Variants in ARHGAP21 observed in about 807,000 individuals in gnomAD.
The protein encoded by ARHGAP21 is rho GTPase-activating protein 21.
Under a neutral mutation model 164.6 loss-of-function variants are expected in ARHGAP21, and 38 were observed. The ratio of observed to expected loss-of-function variants is 0.23; its 90% CI spans 0.18 to 0.30. The LOEUF (loss-of-function observed/expected upper bound fraction) is 0.30. Ranked by LOEUF, ARHGAP21 falls within the 10% of genes least tolerant of loss-of-function variation. The probability of loss-of-function intolerance (pLI) is 1.00; values close to 1 mark genes in which losing one functional copy is unlikely to be tolerated. For synonymous variants in ARHGAP21, 766 were observed against 857.9 expected, an observed-to-expected ratio of 0.89 and a Z score of 1.87; for missense variants, 1,822 against 2,370.7, an observed-to-expected ratio of 0.77 and a Z score of 4.81.
chr10:24,601,987 A>G lies in ARHGAP21; in HGVS notation c.2838T>C (p.Asp946=), dbSNP rs573339283. The G allele has an allele frequency of 6.2e-7, 1 of 1,611,236 alleles. No homozygotes were observed. Among genetic ancestry groups the G allele is most frequent in the Admixed American group, 1.7e-5 (1 of 59,894 alleles). The change falls in exon 13 of 26, where the codon GAT becomes GAC. Residue 946 remains aspartate (D), a synonymous_variant. Coordinates refer to ENST00000396432, the MANE Select transcript of ARHGAP21 (RefSeq NM_020824.4). ...GWLHFRPLVT[D]KGKRVGGSIR... ...TTAGAAAACACACTACCTTGCCCTT[A>G]TCGGTGACAAGGGGTCGGAAATGAA...
intron 7 of ARHGAP21, among the ~76,000 whole-genome samples, chr10:24,625,265 T>C (rs1299331397): frequency 8.9e-6 from 1 of 112,786 alleles, no homozygotes; most frequent in African/African-American, 3.4e-5. Context: ...ACCATGACCA[T>C]ACCTATGATA....
In ARHGAP21 at chr10:24,690,870, A is replaced by T. The variant is rs1842713140; in HGVS notation, c.64-20473T>A. Among the ~76,000 whole-genome samples, 5 of 151,038 alleles carry T rather than the reference A, an allele frequency of 3.3e-5. No individual in the cohort carries two copies. In the South Asian group the frequency reaches 1.0e-3, roughly 32 times the overall value. On this transcript the variant is annotated intron_variant, in intron 2 of 25. Coordinates refer to ENST00000396432, the MANE Select transcript of ARHGAP21 (RefSeq NM_020824.4). ...TATATATATACACATATATATATAC[A>T]CACACACACATAAACACACACATAC...
chr10:24,704,622 C>A (rs372822663), intron 2 of ARHGAP21, among the ~76,000 whole-genome samples: 1 of 151,964 alleles, frequency 6.6e-6, no homozygotes. Flanking sequence ...CATGCCACCA[C>A]GCCTGGCTAA....
intron 4 of ARHGAP21, among the ~76,000 whole-genome samples, chr10:24,640,852 CAA>C (rs1277783286): frequency 6.6e-6 from 1 of 151,594 alleles, no homozygotes; most frequent in Non-Finnish European, 1.5e-5. Flanking sequence ...AGGAAAAAAA[CAA>C]AAATAAGGAG....
intron 4 of ARHGAP21, among the ~76,000 whole-genome samples, chr10:24,651,641 T>G (rs1838173135): frequency 6.6e-6 from 1 of 152,178 alleles, no homozygotes; most frequent in Non-Finnish European, 1.5e-5. Flanking sequence ...ACAAGTTTGG[T>G]TTAGTCCAGT....
chr10:24,655,925 G>C lies in ARHGAP21; in HGVS notation c.268+11060C>G, dbSNP rs867363396. Among the ~76,000 whole-genome samples the C allele has an allele frequency of 3.7e-3, 419 of 112,000 alleles. 8 individuals carry two copies. Among genetic ancestry groups the C allele is most frequent in the Middle Eastern group, 0.019 (4 of 212 alleles). 73.5% of individuals were successfully genotyped at this position (112,000 alleles called of 152,430 possible). Reference sequence around the variant, plus strand: ...GCCGAGACCCCGTCTGGGAGGTGAGGAGCGTCTCTGCCCGGCCACCCCGTC... The same window carrying C: ...GCCGAGACCCCGTCTGGGAGGTGAGCAGCGTCTCTGCCCGGCCACCCCGTC... On this transcript the variant is annotated intron_variant, in intron 4 of 25. Coordinates refer to ENST00000396432, the MANE Select transcript of ARHGAP21 (RefSeq NM_020824.4).
chr10:24,601,867 T>C (rs978166788), intron 13 of ARHGAP21, 111 bp downstream of exon 13: 22 of 1,247,146 alleles, frequency 1.8e-5, no homozygotes, highest in East Asian at 2.8e-5. Flanking sequence ...AAATGGTTTT[T>C]TTTTTCACTC....
chr10:24,597,431 AAG>A lies in ARHGAP21; in HGVS notation c.3334+14_3334+15del. 1 of 1,601,630 alleles carries A rather than the reference AAG, an allele frequency of 6.2e-7. No homozygotes were observed. The highest frequency in any genetic ancestry group is 8.5e-7 in the Non-Finnish European group (1 of 1,176,634). On this transcript the variant is annotated intron_variant, in intron 16 of 25. Coordinates refer to ENST00000396432, the MANE Select transcript of ARHGAP21 (RefSeq NM_020824.4). ...TAAATCATTATATTTATTTGTTAGA[AAG>A]CTAACATCAATACCTTTACTGAGAA... is the stretch of plus-strand genomic sequence containing the variant.
intron 12 of ARHGAP21, among the ~76,000 whole-genome samples, chr10:24,602,892 C>A (rs574336726): frequency 1.4e-4 from 21 of 152,266 alleles, no homozygotes; most frequent in African/African-American, 5.1e-4. Context: ...AAAGAAGAAA[C>A]AAGGCTAGTT....
At chr10:24,607,194 TATG>T (rs1253464364) in intron 11 of ARHGAP21, among the ~76,000 whole-genome samples, 1 of 152,194 alleles carries the variant, frequency 6.6e-6, no homozygotes, top group Non-Finnish European at 1.5e-5. Context: ...GTAGTGTACA[TATG>T]ATTTTATGTA....
At chr10:24,639,791 G>C (rs1836797662) in intron 4 of ARHGAP21, among the ~76,000 whole-genome samples, 1 of 152,114 alleles carries the variant, frequency 6.6e-6, no homozygotes, top group African/African-American at 2.4e-5. Context: ...GGCTTTGTCA[G>C]TCAAAAAGGA....
chr10:24,702,639 T>G (rs1201244888), intron 2 of ARHGAP21, among the ~76,000 whole-genome samples: 1 of 151,874 alleles, frequency 6.6e-6, no homozygotes, highest in Non-Finnish European at 1.5e-5. Flanking sequence ...CAGGCTGGAG[T>G]GCAGTGGCAG....
chr10:24,690,000 G>C (rs1163510005), intron 2 of ARHGAP21, among the ~76,000 whole-genome samples: 3 of 150,836 alleles, frequency 2.0e-5, no homozygotes, highest in Non-Finnish European at 4.4e-5. Context: ...CATACTTTAG[G>C]AAAATCTTCT....
chr10:24,633,918 A>T (rs1228238046), intron 5 of ARHGAP21, among the ~76,000 whole-genome samples: 1 of 108,580 alleles, frequency 9.2e-6, no homozygotes, highest in African/African-American at 3.6e-5. Flanking sequence ...TTTGAGACAG[A>T]GTCTCACTCT....
chr10:24,673,736 C>A (rs576715210), intron 2 of ARHGAP21, among the ~76,000 whole-genome samples: 1 of 152,054 alleles, frequency 6.6e-6, no homozygotes, highest in South Asian at 2.1e-4. Context: ...GTGGCACACA[C>A]CTATAATCCC....
At chr10:24,629,508 T>C (rs533203209) in intron 7 of ARHGAP21, 1 of 156,250 alleles carries the variant, frequency 6.4e-6, no homozygotes, top group South Asian at 1.9e-4. Flanking sequence ...TTGATACTAC[T>C]AACAATACTG....
chr10:24,670,553 T>G (rs1840605883), intron 2 of ARHGAP21, among the ~76,000 whole-genome samples, 156 bp from the exon 3 acceptor site: 2 of 151,426 alleles, frequency 1.3e-5, no homozygotes. Context: ...AAACTAAAAT[T>G]TATTATATTA....
rs1239405084 is a variant in ARHGAP21 at position 24,586,032 on chromosome 10, G to A, written c.4257C>T (p.Arg1419=). The part of the protein sequence containing the change: ...LVSSIFAAAS[R]KRKKPKEKAQ... ...CTTTTTCTTTCGGCTTCTTCCTCTT[G>A]CGACTAGCAGCTGCAAAGATGGAGG... Residue 1419 remains arginine, a synonymous_variant, in exon 26 of 26, where the codon CGC becomes CGT. Transcript: ENST00000396432. 1.2e-5 allele frequency: 20 copies of A among 1,613,788 alleles called. No homozygotes were observed. Among genetic ancestry groups the A allele is most frequent in the Non-Finnish European group, 1.6e-5 (19 of 1,180,006 alleles).
chr10:24,680,367 T>G (rs1489859075), intron 2 of ARHGAP21, among the ~76,000 whole-genome samples: 3 of 152,252 alleles, frequency 2.0e-5, no homozygotes, highest in African/African-American at 4.8e-5. Flanking sequence ...TGTATTATTA[T>G]GACTTGGCCT....
Sources: gnomAD v4.1 joint callset for allele counts (sites outside exome capture counted in the v4.1 genomes callset) on GRCh38, gnomAD v4.1.1 for gene constraint, MANE v1.5 for transcripts, NCBI Gene and HGNC (gene_info 2026-07-23, HGNC 2026-07-21) for gene names.